Variants in STRBP observed in about 807,000 individuals in gnomAD.
STRBP encodes the protein spermatid perinuclear RNA-binding protein.
A neutral mutation model predicts 80.1 loss-of-function variants in STRBP; 13 were observed. The observed-to-expected ratio is 0.16, with a 90% CI of 0.11 to 0.26. STRBP has a LOEUF of 0.26. Among genes scored for constraint, STRBP ranks in the 10% least tolerant of loss-of-function variants. The pLI, the probability that STRBP is intolerant of heterozygous loss-of-function variation, is 1.00. For synonymous variants in STRBP, 284 were observed against 291.2 expected (o/e 0.98, Z 0.25); for missense variants, 485 against 815.2 (o/e 0.59, Z 4.93).
intron 6 of STRBP, among the ~76,000 whole-genome samples, chr9:123,168,649 G>C (rs191694460): frequency 1.3e-5 from 2 of 152,180 alleles, no homozygotes; most frequent in South Asian, 4.1e-4. Flanking sequence ...GGGACTTGTT[G>C]AAAGTCTGGT....
chr9:123,186,031 CAAAA>C (rs745615075), intron 2 of STRBP, among the ~76,000 whole-genome samples: 1 of 110,806 alleles, frequency 9.0e-6, no homozygotes, highest in Non-Finnish European at 1.7e-5. Flanking sequence ...GACTCCGTCT[CAAAA>C]AAAAAAAAAA....
chr9:123,210,074 T>A (rs1392220372), intron 2 of STRBP, among the ~76,000 whole-genome samples: 1 of 152,178 alleles, frequency 6.6e-6, no homozygotes, highest in African/African-American at 2.4e-5. Context: ...AATTTGTAGT[T>A]ATATATATTG....
intron 16 of STRBP, 86 bp from the exon 17 acceptor site, chr9:123,133,054 A>G (rs897838215): frequency 3.9e-6 from 6 of 1,526,198 alleles, no homozygotes; most frequent in Non-Finnish European, 5.3e-6. Context: ...AACAACTATG[A>G]GAAACTGTGA....
intron 2 of STRBP, among the ~76,000 whole-genome samples, chr9:123,232,740 G>C (rs558866175): frequency 5.3e-5 from 8 of 152,266 alleles, no homozygotes; most frequent in African/African-American, 1.9e-4. Context: ...AGAACGAAAT[G>C]GGCAGAGTTA....
chr9:123,133,077 G>A, intron 16 of STRBP, 109 bp from the exon 17 acceptor site: 1 of 1,344,050 alleles, frequency 7.4e-7, no homozygotes. Flanking sequence ...ACGTGGGTGA[G>A]ACCATGAGCT....
At chr9:123,248,513 G>A (rs1023770346) in intron 1 of STRBP, among the ~76,000 whole-genome samples, 7 of 151,516 alleles carry the variant, frequency 4.6e-5, no homozygotes, top group Non-Finnish European at 7.4e-5. Context: ...CTCGTGTTCC[G>A]CCTGCCTCAG....
At position 123,123,387 on chromosome 9, in the gene STRBP, A is replaced by T; in HGVS notation, c.*2210T>A. The T allele has an allele frequency of 1.0e-6, 1 of 985,452 alleles. No individual in the cohort carries two copies. The highest frequency in any genetic ancestry group is 1.2e-6 in the Non-Finnish European group (1 of 829,932). 61.0% of individuals were successfully genotyped at this position (985,452 alleles called of 1,614,324 possible). A position where few individuals can be genotyped will look rare whatever the true frequency, so the allele number is the denominator to read the frequency against. On this transcript the variant is annotated 3_prime_UTR_variant, in exon 19 of 19. Coordinates refer to ENST00000348403, the MANE Select transcript of STRBP (RefSeq NM_018387.5). ...GGGGGGACACTTAATTCATTACAGA[A>T]TTTAAACAGTTGAACTTGCATGGTT...
chr9:123,246,816 CAA>C (rs138117282), intron 1 of STRBP, among the ~76,000 whole-genome samples: 77 of 152,132 alleles, frequency 5.1e-4, no homozygotes, highest in Non-Finnish European at 9.9e-4. Context: ...CTTTGTAAGC[CAA>C]AATACTGTTT....
intron 1 of STRBP, among the ~76,000 whole-genome samples, chr9:123,261,322 T>C (rs2041157094): frequency 6.6e-6 from 1 of 152,212 alleles, no homozygotes; most frequent in Non-Finnish European, 1.5e-5. Context: ...TGCTCAGCCA[T>C]CAATCTTCCT....
chr9:123,218,134 T>C (rs1029240217), intron 2 of STRBP, among the ~76,000 whole-genome samples: 9 of 152,212 alleles, frequency 5.9e-5, no homozygotes, highest in Non-Finnish European at 1.0e-4. Flanking sequence ...TATGATATAC[T>C]GTCTTATCAC....
intron 17 of STRBP, among the ~76,000 whole-genome samples, chr9:123,131,516 T>A (rs1363424664): frequency 6.6e-6 from 1 of 152,174 alleles, no homozygotes; most frequent in Non-Finnish European, 1.5e-5. Context: ...TGCAACACTC[T>A]CCCATCCCAG....
In STRBP at chr9:123,125,188, T is replaced by C. The variant is rs1215167699; in HGVS notation, c.*409A>G. On this transcript the variant is annotated 3_prime_UTR_variant, in exon 19 of 19. Transcript: ENST00000348403. ...TACATATCAATCAACTAAGAATCAG[T>C]GACTGCATCAGGAACCAGGCAGTAC... The C allele has an allele frequency of 2.0e-6, 2 of 988,188 alleles. No individual in the cohort carries two copies. Among genetic ancestry groups the C allele is most frequent in the African/African-American group, 1.7e-5 (1 of 57,314 alleles). 61.2% of individuals were successfully genotyped at this position (988,188 alleles called of 1,614,324 possible). A position where few individuals can be genotyped will look rare whatever the true frequency, so the allele number is the denominator to read the frequency against.
intron 18 of STRBP, 122 bp downstream of exon 18, chr9:123,128,092 G>A (rs1287471144): frequency 1.6e-6 from 2 of 1,217,982 alleles, no homozygotes; most frequent in Non-Finnish European, 2.4e-6. Context: ...ATTTAAGTTG[G>A]GTCACTAGAA....
At position 123,132,948 on chromosome 9, in the gene STRBP, T is replaced by C; in HGVS notation, c.1794A>G (p.Thr598=). 3 of 1,614,066 alleles carry C rather than the reference T, an allele frequency of 1.9e-6. No homozygotes were observed. The highest frequency in any genetic ancestry group is 2.5e-6 in the Non-Finnish European group (3 of 1,179,948). Residue 598 remains threonine (T), a synonymous_variant, in exon 17 of 19, where the codon ACA becomes ACG. Transcript: ENST00000348403. ...CAGCTTGGACTGCTGCAGACACAGC[T>C]GTATTCACAACGCCCTTTGCCTGTT... is the stretch of plus-strand genomic sequence containing the variant. The part of the protein sequence containing the change: ...IIPQAKGVVN[T]AVSAAVQAVR...
intron 1 of STRBP, among the ~76,000 whole-genome samples, chr9:123,249,723 T>C (rs970052052): frequency 6.6e-6 from 1 of 152,248 alleles, no homozygotes; most frequent in Non-Finnish European, 1.5e-5. Flanking sequence ...TCCTTTTAGC[T>C]TACCAATTTT....
chr9:123,189,129 AT>A (rs1331530411), intron 2 of STRBP, among the ~76,000 whole-genome samples: 3 of 152,270 alleles, frequency 2.0e-5, no homozygotes, highest in African/African-American at 7.2e-5. Context: ...CTATGCAGCC[AT>A]AAAAAATGAT....
Position 123,184,206 on chromosome 9 carries a change from T to C in STRBP, c.-72A>G. ...TTCTTGTCGTCTTCACTAGACACTG[T>C]TTTGTGTAACAATACCTCCTCATAA... On this transcript the variant is annotated 5_prime_UTR_variant, in exon 3 of 19. Transcript: ENST00000348403. The C allele has an allele frequency of 6.6e-7, 1 of 1,522,924 alleles. No homozygotes were observed. The highest frequency in any genetic ancestry group is 1.2e-5 in the South Asian group (1 of 83,878). 94.3% of individuals were successfully genotyped at this position (1,522,924 alleles called of 1,614,324 possible).
At chr9:123,188,161 T>C (rs1480298440) in intron 2 of STRBP, among the ~76,000 whole-genome samples, 2 of 152,174 alleles carry the variant, frequency 1.3e-5, no homozygotes, top group Admixed American at 6.5e-5. Flanking sequence ...CTTAGCAATA[T>C]GCATTTAAGG....
chr9:123,250,398 ATATT>A (rs998152447), intron 1 of STRBP, among the ~76,000 whole-genome samples: 29 of 152,348 alleles, frequency 1.9e-4, no homozygotes, highest in Admixed American at 7.8e-4. Context: ...TTTTAAATAA[ATATT>A]TAAATTTTTA....
Sources: allele counts gnomAD v4.1 joint callset (sites outside exome capture counted in the v4.1 genomes callset), GRCh38; gene constraint gnomAD v4.1.1; transcripts MANE v1.5; gene names NCBI Gene and HGNC (gene_info 2026-07-23, HGNC 2026-07-21).